The following C10orf67 variants were observed in gnomAD, a reference collection of about 807,000 sequenced individuals.
The protein encoded by C10orf67 is chromosome 10 open reading frame 67.
C10orf67 carries 60 observed loss-of-function variants against 35.6 expected under a neutral mutation model. The ratio of observed to expected loss-of-function variants is 1.68; its 90% CI spans 1.37 to 2.09. C10orf67 has a LOEUF of 2.09. Among genes scored for constraint, C10orf67 ranks in the 30% most tolerant of loss-of-function variants. The probability of loss-of-function intolerance (pLI) is 0.00; values close to 1 mark genes in which losing one functional copy is unlikely to be tolerated. For missense variants in C10orf67, 474 were observed against 330.2 expected, an observed-to-expected ratio of 1.44 and a Z score of -3.38; for synonymous variants, 167 against 115.8, an observed-to-expected ratio of 1.44 and a Z score of -2.84.
intron 5 of C10orf67, among the ~76,000 whole-genome samples, chr10:23,297,271 C>CCTTTCCTTTCCTTTCCTTTCCTTTT (rs1843914964): frequency 6.7e-6 from 1 of 148,446 alleles, no homozygotes; most frequent in African/African-American, 2.5e-5. Context: ...CCTTTCCTTT[C>CCTTTCCTTTCCTTTCCTTTCCTTTT]TGATGACCCC....
intron 12 of C10orf67, among the ~76,000 whole-genome samples, chr10:23,249,566 T>C (rs1842398794): frequency 6.6e-6 from 1 of 152,254 alleles, no homozygotes; most frequent in Non-Finnish European, 1.5e-5. Flanking sequence ...TGGCATGGAT[T>C]CTTTGTGCCA....
At chr10:23,253,069 C>T (rs1842502593) in intron 10 of C10orf67, among the ~76,000 whole-genome samples, 1 of 151,524 alleles carries the variant, frequency 6.6e-6, no homozygotes, top group African/African-American at 2.5e-5. Flanking sequence ...GTGACTTGCT[C>T]CTCCTTGCCT....
At chr10:23,250,747 T>C (rs1436817063) in intron 10 of C10orf67, 56 bp from the exon 11 acceptor site, 4 of 397,732 alleles carry the variant, frequency 1.0e-5, no homozygotes, top group Non-Finnish European at 1.8e-5. Context: ...ATCTTGTTTC[T>C]CCATAAATCT....
chr10:23,307,920 T>C (rs1431918907), intron 4 of C10orf67, among the ~76,000 whole-genome samples: 1 of 152,104 alleles, frequency 6.6e-6, no homozygotes, highest in Non-Finnish European at 1.5e-5. Flanking sequence ...GGCCTTAAAT[T>C]TTGTGATTTT....
chr10:23,333,744 C>T (rs970102898), intron 1 of C10orf67, among the ~76,000 whole-genome samples: 1 of 152,130 alleles, frequency 6.6e-6, no homozygotes, highest in Non-Finnish European at 1.5e-5. Context: ...TCCATTAAGC[C>T]AGGCATGGAA....
chr10:23,296,196 GT>G (rs1843875461), intron 5 of C10orf67, among the ~76,000 whole-genome samples: 1 of 149,952 alleles, frequency 6.7e-6, no homozygotes, highest in Non-Finnish European at 1.5e-5. Context: ...TTTTTTTGCA[GT>G]TGCAAGATTT....
At chr10:23,227,338 A>G (rs1287185144) in intron 13 of C10orf67, among the ~76,000 whole-genome samples, 2 of 152,198 alleles carry the variant, frequency 1.3e-5, no homozygotes, top group Non-Finnish European at 2.9e-5. Flanking sequence ...GACAAAAACC[A>G]CATGATTATC....
Position 23,204,233 on chromosome 10 carries a change from T to G in C10orf67, c.1593A>C (p.Lys531Asn). 1 of 654,166 alleles carries G rather than the reference T, an allele frequency of 1.5e-6. No homozygotes were observed. The allele number at this position is 654,166 out of a possible 1,614,324, so 40.5% of individuals were successfully genotyped here. Reference sequence around the variant, plus strand: ...TGGAGGGCTCCTCCAAGGACTCTTCTTTTGGGGATTCCGACAACTTCCCTA... The same window carrying G: ...TGGAGGGCTCCTCCAAGGACTCTTCGTTTGGGGATTCCGACAACTTCCCTA... ...SPKGKLSESP[K>N]EESLEEPSMR... Residue 531 changes from lysine (K) to asparagine (N), a missense_variant, in exon 16 of 16, where the codon AAA becomes AAC. Transcript: ENST00000636213.
At chr10:23,280,552 A>G (rs995133383) in intron 8 of C10orf67, among the ~76,000 whole-genome samples, 2 of 152,188 alleles carry the variant, frequency 1.3e-5, no homozygotes, top group Non-Finnish European at 2.9e-5. Context: ...AAGAACCTCA[A>G]GCCCACTCCC....
At chr10:23,218,373 C>G (rs1398822132) in intron 15 of C10orf67, among the ~76,000 whole-genome samples, 1 of 150,102 alleles carries the variant, frequency 6.7e-6, no homozygotes, top group Admixed American at 6.7e-5. Context: ...TTCTCAAACC[C>G]CTGAGCACAA....
At chr10:23,217,275 G>A (rs1388699349) in intron 15 of C10orf67, among the ~76,000 whole-genome samples, 2 of 152,038 alleles carry the variant, frequency 1.3e-5, no homozygotes, top group Non-Finnish European at 2.9e-5. Context: ...TCTGATCTCG[G>A]TTTATTCCCA....
At chr10:23,286,530 TGGGAAGGGAAGGAAGGGA>T (rs1285966626) in intron 7 of C10orf67, among the ~76,000 whole-genome samples, 4 of 20,380 alleles carry the variant, frequency 2.0e-4, no homozygotes, top group Admixed American at 5.7e-4. Context: ...GAAGGAAGGG[TGGGAAGGGAAGGAAGGGA>T]GGGAAGGGAA....
At chr10:23,267,333 G>A (rs1322495194) in intron 8 of C10orf67, 79 bp from the exon 9 acceptor site, 2 of 633,096 alleles carry the variant, frequency 3.2e-6, no homozygotes, top group African/African-American at 1.8e-5. Flanking sequence ...ACTTCTATAA[G>A]CAATGAAAGA....
intron 8 of C10orf67, among the ~76,000 whole-genome samples, chr10:23,271,085 C>T (rs1253621171): frequency 6.7e-6 from 1 of 149,598 alleles, no homozygotes; most frequent in African/African-American, 2.5e-5. Context: ...AGAAATTTAC[C>T]AAGCAAAAGG....
chr10:23,296,671 C>T (rs187679662), intron 5 of C10orf67, among the ~76,000 whole-genome samples: 3 of 152,214 alleles, frequency 2.0e-5, no homozygotes, highest in African/African-American at 7.2e-5. Flanking sequence ...TCATTAACAT[C>T]GGAGCATGGG....
chr10:23,312,985 A>C (rs1844555504), intron 4 of C10orf67, among the ~76,000 whole-genome samples: 1 of 152,118 alleles, frequency 6.6e-6, no homozygotes, highest in East Asian at 1.9e-4. Flanking sequence ...CAAATTTCAA[A>C]CTTGCCAGCC....
chr10:23,208,377 C>G (rs1464252619), intron 15 of C10orf67, among the ~76,000 whole-genome samples: 2 of 152,124 alleles, frequency 1.3e-5, no homozygotes, highest in South Asian at 4.1e-4. Flanking sequence ...GTTTCTGTAT[C>G]TTGGTTTCTG....
chr10:23,336,868 A>G (rs1845705127), intron 1 of C10orf67, among the ~76,000 whole-genome samples: 1 of 152,176 alleles, frequency 6.6e-6, no homozygotes, highest in Non-Finnish European at 1.5e-5. Context: ...GTCTCCTTGA[A>G]AAAATGGTTC....
At chr10:23,291,928 G>T (rs1843729990) in intron 5 of C10orf67, among the ~76,000 whole-genome samples, 1 of 152,142 alleles carries the variant, frequency 6.6e-6, no homozygotes, top group Non-Finnish European at 1.5e-5. Flanking sequence ...CACGGGGTCT[G>T]TGCAGGCGTT....
Sources: gnomAD v4.1 joint callset for allele counts (sites outside exome capture counted in the v4.1 genomes callset) on GRCh38, gnomAD v4.1.1 for gene constraint, MANE v1.5 for transcripts, NCBI Gene and HGNC (gene_info 2026-07-23, HGNC 2026-07-21) for gene names.